Variants in GRIK1 observed in about 807,000 individuals in gnomAD.
GRIK1 encodes glutamate ionotropic receptor kainate type subunit 1.
GRIK1 carries 69 observed loss-of-function variants against 105.7 expected under a neutral mutation model. The observed-to-expected ratio is 0.65, with a 90% CI of 0.54 to 0.80. The LOEUF (loss-of-function observed/expected upper bound fraction) is 0.80, where lower values mean the gene tolerates loss of function less well. Among genes scored for constraint, GRIK1 ranks in the 30% least tolerant of loss-of-function variants. The pLI, the probability that GRIK1 is intolerant of heterozygous loss-of-function variation, is 0.00. For synonymous variants in GRIK1, 438 were observed against 431.3 expected (o/e 1.02, Z -0.19); for missense variants, 1,109 against 1,167.3 (o/e 0.95, Z 0.73).
At chr21:29,695,460 C>CTA (rs2063678829) in intron 1 of GRIK1, among the ~76,000 whole-genome samples, 3 of 145,362 alleles carry the variant, frequency 2.1e-5, no homozygotes, top group Admixed American at 6.9e-5. Flanking sequence ...ATCTATCTAT[C>CTA]TATCTATCTA....
chr21:29,788,266 T>G (rs1837275795), intron 1 of GRIK1, among the ~76,000 whole-genome samples: 1 of 152,128 alleles, frequency 6.6e-6, no homozygotes, highest in Non-Finnish European at 1.5e-5. Context: ...ATGAGAGTGA[T>G]TGTGTTATTA....
In GRIK1 at chr21:29,587,599, C is replaced by G; in HGVS notation, c.1570-10G>C. ...CTGCCAGGTCAGCCCTCTGCAAAAG[C>G]AAGTCCAAAATTGTCAGCTTAGTCT... On this transcript the variant is annotated splice_polypyrimidine_tract_variant and intron_variant, in intron 11 of 17. Coordinates refer to ENST00000327783, the MANE Select transcript of GRIK1 (RefSeq NM_001330994.2). 2 of 1,568,268 alleles carry G rather than the reference C, an allele frequency of 1.3e-6. No homozygotes were observed. The highest frequency in any genetic ancestry group is 1.8e-6 in the Non-Finnish European group (2 of 1,140,134).
At chr21:29,620,779 A>AC (rs2061968669) in intron 7 of GRIK1, among the ~76,000 whole-genome samples, 2 of 117,036 alleles carry the variant, frequency 1.7e-5, no homozygotes, top group African/African-American at 8.5e-5. Flanking sequence ...TCATATATAT[A>AC]TAGATATATA....
At chr21:29,789,758 G>A (rs1337245024) in intron 1 of GRIK1, among the ~76,000 whole-genome samples, 1 of 152,214 alleles carries the variant, frequency 6.6e-6, no homozygotes, top group African/African-American at 2.4e-5. Context: ...GGATAATGGA[G>A]TTTATGAATA....
rs190291403 is a variant in GRIK1 at position 29,866,319 on chromosome 21, G to A, written c.118+73064C>T. On this transcript the variant is annotated intron_variant, in intron 1 of 17. Transcript: ENST00000327783. ...GCTAAAGTGATCTGCACCTGCCTCAGCCTCCCAAAGTGCTGAGATTACAGG... is the reference window on the plus strand; with the variant it reads ...GCTAAAGTGATCTGCACCTGCCTCAACCTCCCAAAGTGCTGAGATTACAGG... Among the ~76,000 whole-genome samples, 124 of 152,204 alleles carry A rather than the reference G, an allele frequency of 8.1e-4. 1 individual carries two copies. The highest frequency in any genetic ancestry group is 3.0e-3 in the African/African-American group (123 of 41,512).
chr21:29,875,014 T>TA (rs5843408), intron 1 of GRIK1, among the ~76,000 whole-genome samples: 12 of 151,274 alleles, frequency 7.9e-5, no homozygotes, highest in African/African-American at 1.5e-4. Context: ...TTTTTTTTTT[T>TA]AATATGTGTG....
intron 1 of GRIK1, among the ~76,000 whole-genome samples, chr21:29,793,315 C>T (rs553687962): frequency 2.6e-5 from 4 of 152,242 alleles, no homozygotes; most frequent in East Asian, 1.9e-4. Context: ...TGGACAACCC[C>T]GTGCATTAAT....
rs142237129 is a variant in GRIK1 at position 29,749,775 on chromosome 21, T to C, written c.119-55712A>G. ...AAGAACTGCTTATATATTTCAACTA[T>C]AAAATTTATTATCTGTGTGAATTTC... On this transcript the variant is annotated intron_variant, in intron 1 of 17. Coordinates refer to ENST00000327783, the MANE Select transcript of GRIK1 (RefSeq NM_001330994.2). 4.1e-4 allele frequency among the ~76,000 whole-genome samples: 62 copies of C among 152,352 alleles called. No homozygotes were observed. In the East Asian group the frequency reaches 0.012, roughly 28 times the overall value.
chr21:29,543,987 C>G (rs1429217419), intron 16 of GRIK1, among the ~76,000 whole-genome samples: 1 of 152,154 alleles, frequency 6.6e-6, no homozygotes, highest in Non-Finnish European at 1.5e-5. Context: ...CATGTTGTCT[C>G]TTCTGCTCTA....
rs552348039 is a variant in GRIK1, at chr21:29,619,353, C to T, written c.1099-20416G>A. ...TCAGGAGGCTGAGGCAGGAGAATTGCTTGAACCCAAGAGGCAGGGGCTGCA... is the reference window on the plus strand; with the variant it reads ...TCAGGAGGCTGAGGCAGGAGAATTGTTTGAACCCAAGAGGCAGGGGCTGCA... On this transcript the variant is annotated intron_variant, in intron 7 of 17. Transcript: ENST00000327783. Among the ~76,000 whole-genome samples, 35 of 151,900 alleles carry T rather than the reference C, an allele frequency of 2.3e-4. No homozygotes were observed. In the South Asian group the frequency reaches 2.5e-3, roughly 11 times the overall value.
At position 29,567,725 on chromosome 21, in the gene GRIK1, C is replaced by T. The variant is rs139939841; in HGVS notation, c.2131-5876G>A. On this transcript the variant is annotated intron_variant, in intron 14 of 17. Transcript: ENST00000327783. ...GACATTGGCTATGTAGAACTTCATACTTGCGAAATAGGTACATCAGAGGTG... is the reference window on the plus strand; with the variant it reads ...GACATTGGCTATGTAGAACTTCATATTTGCGAAATAGGTACATCAGAGGTG... Among the ~76,000 whole-genome samples, 266 of 152,246 alleles carry T rather than the reference C, an allele frequency of 1.7e-3. 1 individual carries two copies. Among genetic ancestry groups the T allele is most frequent in the African/African-American group, 6.0e-3 (251 of 41,564 alleles).
At chr21:29,894,127 A>C (rs2070015959) in intron 1 of GRIK1, among the ~76,000 whole-genome samples, 1 of 152,192 alleles carries the variant, frequency 6.6e-6, no homozygotes. Context: ...TGTATTAGTC[A>C]GGGTTCTCTA....
intron 7 of GRIK1, among the ~76,000 whole-genome samples, chr21:29,615,251 T>C (rs2061822217): frequency 1.3e-5 from 2 of 151,666 alleles, no homozygotes; most frequent in African/African-American, 4.9e-5. Flanking sequence ...ATGGCTTCCT[T>C]AAGAGCAGGT....
At chr21:29,597,467 C>T (rs930538097) in intron 8 of GRIK1, 1 of 255,322 alleles carries the variant, frequency 3.9e-6, no homozygotes, top group South Asian at 5.3e-5. Flanking sequence ...AAGAGGAGAA[C>T]AGAGTTGGGG....
At chr21:29,825,318 G>A (rs771402679) in intron 1 of GRIK1, among the ~76,000 whole-genome samples, 9 of 152,008 alleles carry the variant, frequency 5.9e-5, no homozygotes, top group Admixed American at 1.3e-4. Context: ...ATGATATTGA[G>A]AGTATGACTT....
chr21:29,922,096 C>T lies in GRIK1; in HGVS notation c.118+17287G>A, dbSNP rs118170972. Among the ~76,000 whole-genome samples the T allele has an allele frequency of 3.0e-3, 452 of 152,160 alleles. 1 individual carries two copies. The highest frequency in any genetic ancestry group is 4.0e-3 in the Non-Finnish European group (275 of 67,950). On this transcript the variant is annotated intron_variant, in intron 1 of 17. Coordinates refer to ENST00000327783, the MANE Select transcript of GRIK1 (RefSeq NM_001330994.2). ...AATGTGTTCACAAGATGCCTTTTTCCGCTCTTGGGTTACATGCAAGATCAC... is the reference window on the plus strand; with the variant it reads ...AATGTGTTCACAAGATGCCTTTTTCTGCTCTTGGGTTACATGCAAGATCAC...
At chr21:29,729,225 T>C (rs1230240041) in intron 1 of GRIK1, among the ~76,000 whole-genome samples, 1 of 152,168 alleles carries the variant, frequency 6.6e-6, no homozygotes, top group Non-Finnish European at 1.5e-5. Context: ...TCTTGAGTGC[T>C]GAGGAAAGAA....
intron 3 of GRIK1, among the ~76,000 whole-genome samples, chr21:29,687,952 A>T (rs1425360031): frequency 6.6e-6 from 1 of 152,262 alleles, no homozygotes; most frequent in African/African-American, 2.4e-5. Context: ...AGTTCACAAC[A>T]TAATGAGCTA....
At chr21:29,598,068 T>C (rs1287914451) in intron 8 of GRIK1, among the ~76,000 whole-genome samples, 1 of 152,168 alleles carries the variant, frequency 6.6e-6, no homozygotes, top group Non-Finnish European at 1.5e-5. Context: ...GTTTCAATTG[T>C]TTTTCTATAA....
Sources: allele counts gnomAD v4.1 joint callset (sites outside exome capture counted in the v4.1 genomes callset), GRCh38; gene constraint gnomAD v4.1.1; transcripts MANE v1.5; gene names NCBI Gene and HGNC (gene_info 2026-07-23, HGNC 2026-07-21).